Variants in MAGI2 observed in about 807,000 individuals in gnomAD.
MAGI2 encodes membrane associated guanylate kinase, WW and PDZ domain containing 2, also known as membrane-associated guanylate kinase, WW and PDZ domain-containing protein 2.
In MAGI2, 35 loss-of-function variants were observed where a neutral mutation model predicts 133.3. The observed-to-expected ratio is 0.26, with a 90% CI of 0.20 to 0.35. MAGI2 has a LOEUF of 0.35. MAGI2 is among the 10% of genes least tolerant of loss of function. The pLI is 1.00. For synonymous variants in MAGI2, 729 were observed against 710.6 expected (o/e 1.03, Z -0.41); for missense variants, 1,636 against 1,863.4 (o/e 0.88, Z 2.25).
Position 78,976,720 on chromosome 7 carries a change from A to T in MAGI2, c.418+30370T>A, listed in dbSNP as rs561931214. ...GAAACACCAAAAAAACTACAAAAAA[A>T]AAACAAAAACAAAATAAATAACCAA... On this transcript the variant is annotated intron_variant, in intron 2 of 21. Coordinates refer to ENST00000354212, the MANE Select transcript of MAGI2 (RefSeq NM_012301.4). Among the ~76,000 whole-genome samples, 90 of 145,374 alleles carry T rather than the reference A, an allele frequency of 6.2e-4. 1 individual carries two copies. The highest frequency in any genetic ancestry group is 1.9e-3 in the Admixed American group (29 of 14,930).
chr7:79,367,411 A>C (rs182346845), intron 1 of MAGI2, among the ~76,000 whole-genome samples: 2 of 152,200 alleles, frequency 1.3e-5, no homozygotes, highest in Non-Finnish European at 2.9e-5. Context: ...AAATGGAGTG[A>C]TTTTGGAGGG....
chr7:78,089,022 GC>G (rs1816921340), intron 20 of MAGI2, among the ~76,000 whole-genome samples: 1 of 152,148 alleles, frequency 6.6e-6, no homozygotes, highest in African/African-American at 2.4e-5. Context: ...GGAAATATAA[GC>G]CAAGGAGTTT....
intron 16 of MAGI2, among the ~76,000 whole-genome samples, chr7:78,149,284 G>T (rs1445174006): frequency 6.6e-6 from 1 of 152,168 alleles, no homozygotes; most frequent in Admixed American, 6.6e-5. Context: ...TAGCAGTGGT[G>T]GTAGGGAATG....
chr7:79,024,959 A>G (rs1392038056), intron 1 of MAGI2, among the ~76,000 whole-genome samples: 1 of 152,082 alleles, frequency 6.6e-6, no homozygotes, highest in Admixed American at 6.6e-5. Context: ...TTTTCAAGGA[A>G]CTTAAAATAG....
At chr7:79,335,649 C>T (rs1047729006) in intron 1 of MAGI2, among the ~76,000 whole-genome samples, 2 of 151,914 alleles carry the variant, frequency 1.3e-5, no homozygotes, top group Non-Finnish European at 2.9e-5. Context: ...TTCTGAAGTA[C>T]ACAGCAACAT....
chr7:78,803,785 T>G (rs1404646916), intron 2 of MAGI2, among the ~76,000 whole-genome samples: 1 of 152,140 alleles, frequency 6.6e-6, no homozygotes, highest in Non-Finnish European at 1.5e-5. Context: ...GACTAAAAAT[T>G]TACATAATAT....
chr7:78,458,142 A>G (rs1789524495), intron 6 of MAGI2, among the ~76,000 whole-genome samples: 1 of 152,038 alleles, frequency 6.6e-6, no homozygotes, highest in Non-Finnish European at 1.5e-5. Context: ...CTAAAAATAC[A>G]GTAATTAGCT....
chr7:79,003,350 T>C (rs757538072), intron 2 of MAGI2, among the ~76,000 whole-genome samples: 3 of 152,146 alleles, frequency 2.0e-5, no homozygotes, highest in Non-Finnish European at 2.9e-5. Context: ...CTCAGTTAGG[T>C]CTTGTTTTGT....
chr7:78,340,277 C>T (rs1041177708), intron 9 of MAGI2, among the ~76,000 whole-genome samples: 1 of 119,152 alleles, frequency 8.4e-6, no homozygotes, highest in Admixed American at 8.0e-5. Flanking sequence ...TTAAAAATTA[C>T]ACTATACCAA....
intron 2 of MAGI2, among the ~76,000 whole-genome samples, chr7:78,809,395 C>T (rs1481876788): frequency 1.3e-5 from 2 of 152,246 alleles, no homozygotes; most frequent in Non-Finnish European, 2.9e-5. Context: ...ATTATTTCCT[C>T]GGGAGAAAAG....
At chr7:78,606,518 T>C (rs1805831263) in intron 3 of MAGI2, among the ~76,000 whole-genome samples, 1 of 152,148 alleles carries the variant, frequency 6.6e-6, no homozygotes, top group Non-Finnish European at 1.5e-5. Context: ...GGAATATAAG[T>C]ATTCCAGTGT....
chr7:78,667,537 C>G (rs1010621035), intron 2 of MAGI2, among the ~76,000 whole-genome samples: 3 of 146,800 alleles, frequency 2.0e-5, no homozygotes, highest in African/African-American at 7.6e-5. Context: ...CTATCCCTCC[C>G]GCCTCCCCCC....
At chr7:78,969,607 T>A (rs1000339197) in intron 2 of MAGI2, among the ~76,000 whole-genome samples, 2 of 152,082 alleles carry the variant, frequency 1.3e-5, no homozygotes, top group African/African-American at 2.4e-5. Context: ...CTTTATGCAG[T>A]TTATAGCCAA....
intron 3 of MAGI2, among the ~76,000 whole-genome samples, chr7:78,597,471 C>T (rs1804737039): frequency 1.3e-5 from 2 of 151,896 alleles, no homozygotes; most frequent in South Asian, 2.1e-4. Flanking sequence ...AAGTGGTTAA[C>T]CAATTCAACT....
chr7:79,115,857 T>G (rs919076436), intron 1 of MAGI2, among the ~76,000 whole-genome samples: 7 of 18,838 alleles, frequency 3.7e-4, no homozygotes, highest in South Asian at 1.4e-3. Flanking sequence ...TTTTAAAGTT[T>G]TTTTTTTTTT....
intron 2 of MAGI2, among the ~76,000 whole-genome samples, chr7:78,910,041 A>C (rs1798289544): frequency 6.6e-6 from 1 of 152,146 alleles, no homozygotes; most frequent in Non-Finnish European, 1.5e-5. Context: ...AGGAACAGAA[A>C]ACGAAACACT....
At chr7:79,284,267 G>A (rs2129558228) in intron 1 of MAGI2, among the ~76,000 whole-genome samples, 1 of 152,184 alleles carries the variant, frequency 6.6e-6, no homozygotes. Flanking sequence ...TCTCCTCCAT[G>A]ATAGCTGGAA....
At chr7:78,901,330 C>T (rs1309698239) in intron 2 of MAGI2, 1 of 152,036 alleles carries the variant, frequency 6.6e-6, no homozygotes, top group African/African-American at 2.4e-5. Context: ...GACAATATTA[C>T]AGAGAGCTCA....
chr7:78,670,943 A>G (rs971955887), intron 2 of MAGI2, among the ~76,000 whole-genome samples: 5 of 152,202 alleles, frequency 3.3e-5, no homozygotes, highest in African/African-American at 1.2e-4. Flanking sequence ...AGTATCACAT[A>G]ATGAGTAAAG....
Sources: gnomAD v4.1 joint callset for allele counts (sites outside exome capture counted in the v4.1 genomes callset) on GRCh38, gnomAD v4.1.1 for gene constraint, MANE v1.5 for transcripts, NCBI Gene and HGNC (gene_info 2026-07-23, HGNC 2026-07-21) for gene names.